Variants in EHMT1 observed in about 807,000 individuals in gnomAD.
EHMT1 encodes the protein histone-lysine N-methyltransferase EHMT1.
In EHMT1, 15 loss-of-function variants were observed where a neutral mutation model predicts 147.2. The ratio of observed to expected loss-of-function variants is 0.10; its 90% CI spans 0.07 to 0.16. The LOEUF (loss-of-function observed/expected upper bound fraction) is 0.16. Among genes scored for constraint, EHMT1 ranks in the 10% least tolerant of loss-of-function variants. The pLI is 1.00. For missense variants in EHMT1, 1,587 were observed against 1,772.4 expected, an observed-to-expected ratio of 0.90 and a Z score of 1.88; for synonymous variants, 795 against 709.6, an observed-to-expected ratio of 1.12 and a Z score of -1.91.
chr9:137,753,154 G>GT (rs1278730434), intron 7 of EHMT1, among the ~76,000 whole-genome samples: 1 of 152,134 alleles, frequency 6.6e-6, no homozygotes, highest in Non-Finnish European at 1.5e-5. Context: ...TGTCTGTGCC[G>GT]TGGGGGGAAA....
intron 1 of EHMT1, among the ~76,000 whole-genome samples, chr9:137,679,320 CTG>C (rs1186949140): frequency 6.6e-6 from 1 of 152,132 alleles, no homozygotes; most frequent in East Asian, 1.9e-4. Flanking sequence ...GTAACTGAAA[CTG>C]TGGCAAGCAA....
intron 10 of EHMT1, among the ~76,000 whole-genome samples, chr9:137,770,369 C>G (rs1263988325): frequency 6.6e-6 from 1 of 152,224 alleles, no homozygotes; most frequent in African/African-American, 2.4e-5. Context: ...TTGTTTCTAG[C>G]GTTTTACGCT....
chr9:137,771,686 G>T (rs1255206301), intron 10 of EHMT1, among the ~76,000 whole-genome samples: 1 of 138,542 alleles, frequency 7.2e-6, no homozygotes, highest in Non-Finnish European at 1.5e-5. Context: ...CGAGGAGACC[G>T]GGGTGGCGGG....
At chr9:137,740,916 C>T (rs1275716020) in intron 4 of EHMT1, among the ~76,000 whole-genome samples, 1 of 151,814 alleles carries the variant, frequency 6.6e-6, no homozygotes, top group African/African-American at 2.4e-5. Context: ...GATTCACCTG[C>T]CTCAGACTCC....
chr9:137,717,955 G>A (rs1284636737), intron 3 of EHMT1, among the ~76,000 whole-genome samples: 1 of 152,246 alleles, frequency 6.6e-6, no homozygotes, highest in African/African-American at 2.4e-5. Context: ...GGGCTCAGCC[G>A]TACCTTGAGA....
intron 1 of EHMT1, among the ~76,000 whole-genome samples, chr9:137,702,164 A>T (rs1943895115): frequency 1.3e-5 from 2 of 152,078 alleles, no homozygotes; most frequent in African/African-American, 4.8e-5. Context: ...TCCTGACCTC[A>T]TGATCCACCC....
At chr9:137,773,434 A>AT (rs1386933811) in intron 10 of EHMT1, among the ~76,000 whole-genome samples, 3 of 151,008 alleles carry the variant, frequency 2.0e-5, no homozygotes, top group African/African-American at 7.3e-5. Context: ...TGCCTGGGTG[A>AT]TTCTAATGCA....
chr9:137,834,671 G>T (rs556672788), intron 26 of EHMT1, 102 bp from the exon 27 acceptor site: 5 of 1,598,742 alleles, frequency 3.1e-6, no homozygotes. Flanking sequence ...ATGCGGCACG[G>T]CAGATCGGGG....
At chr9:137,817,867 A>G (rs2132803812) in intron 24 of EHMT1, 193 bp from the exon 25 acceptor site, 1 of 649,018 alleles carries the variant, frequency 1.5e-6, no homozygotes, top group Admixed American at 2.5e-5. Context: ...AGCTTTCGGT[A>G]TCGTTATCAT....
At chr9:137,691,700 C>T (rs1039840334) in intron 1 of EHMT1, among the ~76,000 whole-genome samples, 1 of 152,182 alleles carries the variant, frequency 6.6e-6, no homozygotes, top group African/African-American at 2.4e-5. Flanking sequence ...ATAGCAACCG[C>T]ACCATTTTGC....
At chr9:137,641,757 A>G (rs1379630260) in intron 1 of EHMT1, among the ~76,000 whole-genome samples, 1 of 151,986 alleles carries the variant, frequency 6.6e-6, no homozygotes, top group Non-Finnish European at 1.5e-5. Context: ...TTTGGGGGTC[A>G]TTCCGGGAGG....
intron 3 of EHMT1, among the ~76,000 whole-genome samples, chr9:137,726,242 A>G (rs1332971406): frequency 6.6e-6 from 1 of 152,080 alleles, no homozygotes; most frequent in Non-Finnish European, 1.5e-5. Flanking sequence ...ATCTTCCCAC[A>G]CTGAAGCTCT....
intron 1 of EHMT1, among the ~76,000 whole-genome samples, chr9:137,660,133 G>A (rs1158443851): frequency 1.1e-4 from 17 of 151,850 alleles, no homozygotes; most frequent in Non-Finnish European, 2.9e-5. Context: ...TCAAGAGCTC[G>A]AGACCAGCCT....
At chr9:137,643,785 T>C (rs992420374) in intron 1 of EHMT1, among the ~76,000 whole-genome samples, 2 of 152,198 alleles carry the variant, frequency 1.3e-5, no homozygotes, top group African/African-American at 4.8e-5. Context: ...AGTCTCTGTC[T>C]GTGGTTTCAG....
In EHMT1 at chr9:137,731,912, C is replaced by T. The variant is rs1947144920; in HGVS notation, c.823+3383C>T. ...AGAGCTGTGGCTGGATGAGGCATAC[C>T]ACAAGCAGTTTACACTGCAGGCGCT... is the stretch of plus-strand genomic sequence containing the variant. On this transcript the variant is annotated intron_variant, in intron 4 of 26. Coordinates refer to ENST00000460843, the MANE Select transcript of EHMT1 (RefSeq NM_024757.5). This position sits in a 1 kb window ranked among gnomAD's most constrained non-coding sequence, Gnocchi z 4.3. Among the ~76,000 whole-genome samples the T allele has an allele frequency of 6.6e-6, 1 of 152,200 alleles. No individual in the cohort carries two copies. Among genetic ancestry groups the T allele is most frequent in the Admixed American group, 6.5e-5 (1 of 15,282 alleles).
chr9:137,630,390 C>T (rs1018505592), intron 1 of EHMT1, among the ~76,000 whole-genome samples: 1 of 152,174 alleles, frequency 6.6e-6, no homozygotes, highest in Non-Finnish European at 1.5e-5. Context: ...GGAAAAGTTC[C>T]TTGAGGAAGA....
intron 3 of EHMT1, among the ~76,000 whole-genome samples, chr9:137,726,833 A>C (rs1946680202): frequency 6.6e-6 from 1 of 152,148 alleles, no homozygotes; most frequent in Non-Finnish European, 1.5e-5. Context: ...TTCCCCAATG[A>C]TGTTAAGCAT....
At chr9:137,746,898 A>G (rs1412091697) in intron 6 of EHMT1, 1 of 152,242 alleles carries the variant, frequency 6.6e-6, no homozygotes, top group African/African-American at 2.4e-5. Context: ...GGTATTTGTC[A>G]TAAAGTAAAA....
intron 1 of EHMT1, among the ~76,000 whole-genome samples, chr9:137,687,604 T>C (rs1444758189): frequency 6.6e-6 from 1 of 152,172 alleles, no homozygotes; most frequent in Non-Finnish European, 1.5e-5. Flanking sequence ...GCTTTTGTCA[T>C]GAGGCAGAGT....
Sources: allele counts gnomAD v4.1 joint callset (sites outside exome capture counted in the v4.1 genomes callset), GRCh38; gene constraint gnomAD v4.1.1; non-coding constraint Gnocchi (gnomAD v3.1); transcripts MANE v1.5; gene names NCBI Gene and HGNC (gene_info 2026-07-23, HGNC 2026-07-21).